CDH6: variants seen among roughly 807,000 people sequenced by gnomAD.
CDH6 encodes cadherin 6, also known as cadherin-6.
A neutral mutation model predicts 78.0 loss-of-function variants in CDH6; 31 were observed. The ratio of observed to expected loss-of-function variants is 0.40; its 90% CI spans 0.30 to 0.54. The LOEUF (loss-of-function observed/expected upper bound fraction) is 0.54, where lower values mean the gene tolerates loss of function less well. Among genes scored for constraint, CDH6 ranks in the 20% least tolerant of loss-of-function variants. The pLI is 0.56. For missense variants in CDH6, 724 were observed against 975.9 expected (o/e 0.74, Z 3.44); for synonymous variants, 376 against 368.8 (o/e 1.02, Z -0.23).
At chr5:31,235,310 A>C (rs1741427248) in intron 1 of CDH6, among the ~76,000 whole-genome samples, 1 of 137,006 alleles carries the variant, frequency 7.3e-6, no homozygotes, top group Admixed American at 8.2e-5. Context: ...TTTTTCAGTC[A>C]ATCCATTACA....
intron 7 of CDH6, among the ~76,000 whole-genome samples, chr5:31,312,945 G>GCACACACACACA (rs3028834): frequency 9.4e-5 from 14 of 149,298 alleles, no homozygotes; most frequent in East Asian, 6.0e-4. Context: ...ATGCATACAA[G>GCACACACACACA]CACACACACA....
intron 5 of CDH6, among the ~76,000 whole-genome samples, chr5:31,301,863 G>A (rs977878587): frequency 6.6e-6 from 1 of 152,146 alleles, no homozygotes; most frequent in Non-Finnish European, 1.5e-5. Context: ...CATAAACTTT[G>A]GAGCCTGTTT....
intron 7 of CDH6, 49 bp from the exon 8 acceptor site, chr5:31,313,269 A>G (rs1488312714): frequency 6.5e-7 from 1 of 1,530,558 alleles, no homozygotes; most frequent in African/African-American, 1.4e-5. Context: ...TGATGTGAGA[A>G]TAGGAAATAG....
At position 31,297,363 on chromosome 5, in the gene CDH6, A is replaced by G. The variant is rs780026642; in HGVS notation, c.598A>G (p.Ser200Gly). 1.9e-6 allele frequency: 3 copies of G among 1,610,468 alleles called. No homozygotes were observed. Among genetic ancestry groups the G allele is most frequent in the Middle Eastern group, 1.7e-4 (1 of 6,050 alleles). Residue 200 changes from serine to glycine, a missense_variant, in exon 4 of 12, where the codon AGT (serine) becomes GGT (glycine). Ser to Gly is a moderately conservative substitution (Grantham distance 56). This residue lies in a region of CDH6 where 446 missense variants were observed against 684.5 expected (regional missense o/e 0.65). Coordinates refer to ENST00000265071, the MANE Select transcript of CDH6 (RefSeq NM_004932.4). ...TYGNSAKVVY[S>G]ILQGQPYFSV... ...TGGGAACAGTGCTAAAGTTGTCTAC[A>G]GTATTCTACAGGGACAGCCCTATTT...
rs1403553722 is a variant in CDH6 at position 31,326,260 on chromosome 5, A to G, written c.*2952A>G. On this transcript the variant is annotated 3_prime_UTR_variant, in exon 12 of 12. Coordinates refer to ENST00000265071, the MANE Select transcript of CDH6 (RefSeq NM_004932.4). ...TTTCAAGGACATTGAGAGCTTTCTG[A>G]TGATATGTTTTTGCCCTCTATTCAA... 4.5e-6 allele frequency: 1 copy of G among 220,874 alleles called. No individual in the cohort carries two copies. The highest frequency in any genetic ancestry group is 9.0e-6 in the Non-Finnish European group (1 of 110,544). 13.7% of individuals were successfully genotyped at this position (220,874 alleles called of 1,614,324 possible).
intron 1 of CDH6, among the ~76,000 whole-genome samples, chr5:31,217,027 T>C (rs1190351742): frequency 1.3e-5 from 2 of 152,122 alleles, no homozygotes; most frequent in East Asian, 3.9e-4. Context: ...CCTTTTATTA[T>C]GCATGTTGAT....
Position 31,316,269 on chromosome 5 carries a change from C to T in CDH6, c.1452C>T (p.Asn484=), listed in dbSNP as rs145600694. 201 of 1,612,962 alleles carry T rather than the reference C, an allele frequency of 1.2e-4. No homozygotes were observed. Among genetic ancestry groups the T allele is most frequent in the African/African-American group, 6.0e-4 (45 of 74,998 alleles). Reference sequence around the variant, plus strand: ...TTAAAGTTCTAGATGTCAATGACAACGCCCCAGAATTTGCTGAGTTCTATG... The same window carrying T: ...TTAAAGTTCTAGATGTCAATGACAATGCCCCAGAATTTGCTGAGTTCTATG... ...LYIKVLDVND[N]APEFAEFYET... The change falls in exon 9 of 12, where the codon AAC becomes AAT. Residue 484 remains asparagine, a synonymous_variant. Transcript: ENST00000265071.
chr5:31,254,605 T>C (rs558461944), intron 1 of CDH6, among the ~76,000 whole-genome samples: 3 of 152,326 alleles, frequency 2.0e-5, no homozygotes, highest in Admixed American at 1.3e-4. Context: ...CAGGCACCTA[T>C]TGGGGGTCTT....
chr5:31,275,234 G>T (rs1167783794), intron 2 of CDH6, among the ~76,000 whole-genome samples: 1 of 152,098 alleles, frequency 6.6e-6, no homozygotes, highest in African/African-American at 2.4e-5. Context: ...ACATGTACAG[G>T]TTTGTTAGCT....
rs953992653 is a variant in CDH6, at chr5:31,325,357, A to G, written c.*2049A>G. The G allele has an allele frequency of 8.8e-6, 2 of 227,226 alleles. No homozygotes were observed. The highest frequency in any genetic ancestry group is 5.8e-5 in the Admixed American group (1 of 17,124). The allele number at this position is 227,226 out of a possible 1,614,324, so 14.1% of individuals were successfully genotyped here. On this transcript the variant is annotated 3_prime_UTR_variant, in exon 12 of 12. Transcript: ENST00000265071. ...ACACACACACACACACACACACACG[A>G]ATGCAAACAAAAGGCTATATGAGGT... is the stretch of plus-strand genomic sequence containing the variant.
At chr5:31,231,957 A>G (rs1287973122) in intron 1 of CDH6, among the ~76,000 whole-genome samples, 1 of 152,164 alleles carries the variant, frequency 6.6e-6, no homozygotes, top group Non-Finnish European at 1.5e-5. Flanking sequence ...TACTATAATT[A>G]TGTTTCTTTT....
At chr5:31,268,782 C>T (rs1742436267) in intron 2 of CDH6, among the ~76,000 whole-genome samples, 2 of 152,108 alleles carry the variant, frequency 1.3e-5, no homozygotes, top group Admixed American at 6.6e-5. Context: ...ATCAAATATC[C>T]CTGAATAACC....
intron 1 of CDH6, among the ~76,000 whole-genome samples, chr5:31,263,012 C>T (rs1363295510): frequency 6.6e-6 from 1 of 152,102 alleles, no homozygotes; most frequent in Non-Finnish European, 1.5e-5. Context: ...TTCCCATTTA[C>T]GGTTTTTCAG....
rs1738560498 is a variant in CDH6 at position 31,324,259 on chromosome 5, A to AT, written c.*951_*952insT. On this transcript the variant is annotated 3_prime_UTR_variant, in exon 12 of 12. Transcript: ENST00000265071. ...CTACTATACTGTACATGAAAGTAGCAGTGTGAAGTACAATAATTCATATTC... is the reference window on the plus strand; with the variant it reads ...CTACTATACTGTACATGAAAGTAGCATGTGTGAAGTACAATAATTCATATTC... 1.4e-5 allele frequency: 3 copies of AT among 211,282 alleles called. No homozygotes were observed. Among genetic ancestry groups the AT allele is most frequent in the Non-Finnish European group, 2.9e-5 (3 of 104,300 alleles). 13.1% of individuals were successfully genotyped at this position (211,282 alleles called of 1,614,324 possible).
intron 1 of CDH6, among the ~76,000 whole-genome samples, chr5:31,252,823 A>AACTG (rs1311620188): frequency 3.3e-5 from 5 of 152,112 alleles, no homozygotes; most frequent in Non-Finnish European, 1.5e-5. Flanking sequence ...TACTGATATT[A>AACTG]ACTGACTCAA....
rs978074531 is a variant in CDH6 at position 31,326,937 on chromosome 5, G to T, written c.*3629G>T. 6.2e-5 allele frequency: 10 copies of T among 160,826 alleles called. No homozygotes were observed. The highest frequency in any genetic ancestry group is 5.2e-4 in the Admixed American group (8 of 15,444). The allele number at this position is 160,826 out of a possible 1,614,324, so 10.0% of individuals were successfully genotyped here. On this transcript the variant is annotated 3_prime_UTR_variant, in exon 12 of 12. Coordinates refer to ENST00000265071, the MANE Select transcript of CDH6 (RefSeq NM_004932.4). Reference sequence around the variant, plus strand: ...TCTCCATCTCCTGACCTCGTGGTCCGCCCGCCTCGGCCTCCCAAAGTGCTG... The same window carrying T: ...TCTCCATCTCCTGACCTCGTGGTCCTCCCGCCTCGGCCTCCCAAAGTGCTG...
At chr5:31,282,668 C>T (rs2149941239) in intron 2 of CDH6, among the ~76,000 whole-genome samples, 1 of 152,262 alleles carries the variant, frequency 6.6e-6, no homozygotes, top group East Asian at 1.9e-4. Flanking sequence ...TGCCTACTAC[C>T]ACTATTATCA....
At position 31,313,302 on chromosome 5, in the gene CDH6, C is replaced by T; in HGVS notation, c.1254-16C>T. On this transcript the variant is annotated splice_polypyrimidine_tract_variant and intron_variant, in intron 7 of 11. Coordinates refer to ENST00000265071, the MANE Select transcript of CDH6 (RefSeq NM_004932.4). ...TAGAAAGAAAAGCCTTTCTTAATTC[C>T]ACTCTGCATTTTCAGGTACTCTGTA... 6.2e-7 allele frequency: 1 copy of T among 1,601,432 alleles called. No individual in the cohort carries two copies. The highest frequency in any genetic ancestry group is 1.1e-5 in the South Asian group (1 of 90,094).
In CDH6 at chr5:31,326,479, G is replaced by A. The variant is rs185968469; in HGVS notation, c.*3171G>A. On this transcript the variant is annotated 3_prime_UTR_variant, in exon 12 of 12. Coordinates refer to ENST00000265071, the MANE Select transcript of CDH6 (RefSeq NM_004932.4). Reference sequence around the variant, plus strand: ...GATTATTCCATAGAACCACAAGAGAGGGAATGTGGGCACAGTAAATAGATG... The same window carrying A: ...GATTATTCCATAGAACCACAAGAGAAGGAATGTGGGCACAGTAAATAGATG... 632 of 198,700 alleles carry A rather than the reference G, an allele frequency of 3.2e-3. No individual in the cohort carries two copies. The highest frequency in any genetic ancestry group is 4.8e-3 in the Non-Finnish European group (462 of 96,230). 12.3% of individuals were successfully genotyped at this position (198,700 alleles called of 1,614,324 possible).
Sources: gnomAD v4.1 joint callset for allele counts (sites outside exome capture counted in the v4.1 genomes callset) on GRCh38, gnomAD v4.1.1 for gene constraint, gnomAD v4.1.1 regional missense constraint, MANE v1.5 for transcripts, NCBI Gene and HGNC (gene_info 2026-07-23, HGNC 2026-07-21) for gene names.